The following LAMA1 variants were observed in gnomAD, a reference collection of about 807,000 sequenced individuals.
The protein encoded by LAMA1 is laminin subunit alpha-1.
In LAMA1, 219 loss-of-function variants were observed where a neutral mutation model predicts 348.7. The ratio of observed to expected loss-of-function variants is 0.63; its 90% confidence interval spans 0.56 to 0.70. The LOEUF (loss-of-function observed/expected upper bound fraction) is 0.70, where lower values mean the gene tolerates loss of function less well. Among genes scored for constraint, LAMA1 ranks in the 30% least tolerant of loss-of-function variants. LAMA1 has a pLI of 0.00. For synonymous variants in LAMA1, 1,487 were observed against 1,491.0 expected, an observed-to-expected ratio of 1.00 and a Z score of 0.06; for missense variants, 3,744 against 3,888.0, an observed-to-expected ratio of 0.96 and a Z score of 0.99.
At position 6,949,231 on chromosome 18, in the gene LAMA1, C is replaced by A. The variant is rs750276807; in HGVS notation, c.8426G>T (p.Gly2809Val). 3.7e-6 allele frequency: 6 copies of A among 1,614,164 alleles called. No homozygotes were observed. The highest frequency in any genetic ancestry group is 5.1e-6 in the Non-Finnish European group (6 of 1,180,024). ...TVKTDYVKRK[G>V]FITVDGRESP... ...CTCTCGGCCGTCGACAGTTATGAAG[C>A]CTTTTCTTTTAACATAGTCTGTCTT... Residue 2809 changes from glycine (G) to valine (V), a missense_variant, in exon 59 of 63, where the codon GGC becomes GTC. Transcript: ENST00000389658.
chr18:6,972,939 C>T (rs924612255), intron 47 of LAMA1, 118 bp downstream of exon 47: 40 of 1,108,558 alleles, frequency 3.6e-5, no homozygotes, highest in South Asian at 7.5e-5. Flanking sequence ...GATCTGCCCA[C>T]CTTGGCCTCC....
intron 12 of LAMA1, among the ~76,000 whole-genome samples, chr18:7,036,678 T>A (rs2144172103): frequency 6.6e-6 from 1 of 152,170 alleles, no homozygotes; most frequent in South Asian, 2.1e-4. Flanking sequence ...GTTGATAAAA[T>A]CATATCAATA....
chr18:7,038,923 G>T lies in LAMA1; in HGVS notation c.1450C>A (p.Arg484Ser). 1.9e-6 allele frequency: 3 copies of T among 1,613,684 alleles called. No homozygotes were observed. The highest frequency in any genetic ancestry group is 1.1e-5 in the South Asian group (1 of 91,062). The part of the protein sequence containing the change: ...KENVEGKACD[R>S]CKPGFYNLKE... ...AAGTTATAGAATCCTGGCTTGCAGC[G>T]ATCACAGGCCTTCCCCTCAACGTTT... Residue 484 changes from arginine to serine, a missense_variant, in exon 11 of 63, where the codon CGC (arginine) becomes AGC (serine). Coordinates refer to ENST00000389658, the MANE Select transcript of LAMA1 (RefSeq NM_005559.4).
chr18:7,021,851 AT>A (rs200854810), intron 19 of LAMA1, among the ~76,000 whole-genome samples: 1 of 61,904 alleles, frequency 1.6e-5, no homozygotes, highest in African/African-American at 1.3e-4. Flanking sequence ...ATTATATTAT[AT>A]TATATATATT....
At chr18:6,986,110 G>C (rs774765036) in intron 37 of LAMA1, 27 bp downstream of exon 37, 1 of 1,611,700 alleles carries the variant, frequency 6.2e-7, no homozygotes, top group Admixed American at 1.7e-5. Flanking sequence ...TGTTCTAATT[G>C]AGAAGGAGAG....
intron 22 of LAMA1, 59 bp from the exon 23 acceptor site, chr18:7,014,110 A>G (rs2144121834): frequency 1.6e-6 from 2 of 1,281,394 alleles, no homozygotes; most frequent in East Asian, 2.3e-5. Context: ...CCAAATGCAC[A>G]CATATTTGAA....
intron 15 of LAMA1, 116 bp from the exon 16 acceptor site, chr18:7,032,292 A>G: frequency 1.4e-6 from 1 of 724,436 alleles, no homozygotes; most frequent in South Asian, 1.5e-5. Flanking sequence ...TATCATTTAC[A>G]TGCTACACAA....
At chr18:6,973,339 T>C (rs1156911007) in intron 46 of LAMA1, 132 bp from the exon 47 acceptor site, 4 of 781,692 alleles carry the variant, frequency 5.1e-6, no homozygotes, top group Non-Finnish European at 6.5e-6. Flanking sequence ...GCTGGCCTCC[T>C]GGCTTCCAGT....
chr18:6,947,712 G>A (rs1438042029), intron 60 of LAMA1, among the ~76,000 whole-genome samples: 1 of 152,196 alleles, frequency 6.6e-6, no homozygotes, highest in Non-Finnish European at 1.5e-5. Flanking sequence ...ATCATTTACT[G>A]AGTGTATCAG....
chr18:7,027,899 C>T (rs1024446121), intron 16 of LAMA1, among the ~76,000 whole-genome samples: 2 of 152,020 alleles, frequency 1.3e-5, no homozygotes, highest in Admixed American at 6.6e-5. Flanking sequence ...GCCAAGATCA[C>T]GTGACTGCAC....
intron 57 of LAMA1, among the ~76,000 whole-genome samples, chr18:6,953,270 G>A (rs563423272): frequency 9.2e-5 from 14 of 152,404 alleles, no homozygotes; most frequent in Non-Finnish European, 1.9e-4. Flanking sequence ...GTCTAGGTTC[G>A]CAGATCGACT....
intron 1 of LAMA1, among the ~76,000 whole-genome samples, chr18:7,084,254 A>G (rs2058206083): frequency 6.6e-6 from 1 of 151,966 alleles, no homozygotes; most frequent in Non-Finnish European, 1.5e-5. Context: ...CTCATTGCAG[A>G]CTACTGAAAT....
intron 1 of LAMA1, among the ~76,000 whole-genome samples, chr18:7,103,219 C>T (rs1467625400): frequency 6.6e-6 from 1 of 151,608 alleles, no homozygotes; most frequent in African/African-American, 2.4e-5. Flanking sequence ...AGATCAAGAC[C>T]ATCACGGCTA....
rs2057674777 is a variant in LAMA1 at position 6,974,955 on chromosome 18, A to G, written c.6571T>C (p.Phe2191Leu). ...DLGSGSTRLE[F>L]PDFPIDDNRW... ...TTGTCATCAATGGGAAAGTCTGGAA[A>G]CTCCAAGCGTGTGGACCCGGAGCCC... Residue 2191 changes from phenylalanine to leucine, a missense_variant, in exon 46 of 63, where the codon TTT (phenylalanine) becomes CTT (leucine). This residue lies in a region of LAMA1 where 1,983 missense variants were observed against 1,934.3 expected (regional missense o/e 1.03). Transcript: ENST00000389658. 1 of 1,613,552 alleles carries G rather than the reference A, an allele frequency of 6.2e-7. No individual in the cohort carries two copies. Among genetic ancestry groups the G allele is most frequent in the African/African-American group, 1.3e-5 (1 of 74,726 alleles).
In LAMA1 at chr18:6,955,389, A is replaced by C. The variant is rs765641919; in HGVS notation, c.8171T>G (p.Phe2724Cys). ...HQFGLTQNSH[F>C]ILPFNQSAVR... ...AGCCGACTGATTAAAAGGCAAGATG[A>C]AATGGCTGTTTTGTGTGAGACCAAA... Residue 2724 changes from phenylalanine to cysteine, a missense_variant, in exon 57 of 63, where the codon TTC becomes TGC. Around this residue, in one of 3 missense-constraint regions of LAMA1, gnomAD observed 1,983 missense variants for 1,934.3 expected, o/e 1.03. Transcript: ENST00000389658. 6.2e-7 allele frequency: 1 copy of C among 1,614,068 alleles called. No homozygotes were observed. The highest frequency in any genetic ancestry group is 1.1e-5 in the South Asian group (1 of 91,080).
intron 36 of LAMA1, among the ~76,000 whole-genome samples, chr18:6,989,323 A>G (rs1334120311): frequency 1.5e-4 from 23 of 152,128 alleles, no homozygotes; most frequent in Non-Finnish European, 2.9e-5. Context: ...CTGTAAGTAC[A>G]GTTATATGCT....
At chr18:7,036,861 A>C (rs1366459547) in intron 12 of LAMA1, among the ~76,000 whole-genome samples, 2 of 152,200 alleles carry the variant, frequency 1.3e-5, no homozygotes, top group African/African-American at 4.8e-5. Context: ...AAAACAAAAC[A>C]AAACCAAAAA....
chr18:7,031,957 A>T, intron 16 of LAMA1, 109 bp downstream of exon 16: 1 of 755,746 alleles, frequency 1.3e-6, no homozygotes, highest in Non-Finnish European at 2.3e-6. Context: ...GGGGTCTATG[A>T]GGCTAGGGTT....
chr18:7,103,680 A>G (rs1017786560), intron 1 of LAMA1, among the ~76,000 whole-genome samples: 9 of 151,468 alleles, frequency 5.9e-5, no homozygotes, highest in Non-Finnish European at 1.0e-4. Context: ...CTAGCCAGGC[A>G]TGGTGGTGGG....
Sources: allele counts gnomAD v4.1 joint callset (sites outside exome capture counted in the v4.1 genomes callset), GRCh38; gene constraint gnomAD v4.1.1; regional missense constraint gnomAD v4.1.1; transcripts MANE v1.5; gene names NCBI Gene and HGNC (gene_info 2026-07-23, HGNC 2026-07-21).